SLC8B1: variants seen among roughly 807,000 people sequenced by gnomAD.
SLC8B1 encodes the protein solute carrier family 8 member B1.
In SLC8B1, 52 loss-of-function variants were observed where a neutral mutation model predicts 63.4. The ratio of observed to expected loss-of-function variants is 0.82; its 90% CI spans 0.66 to 1.03. SLC8B1 has a LOEUF of 1.03. Among genes scored for constraint, SLC8B1 ranks in the 50% least tolerant of loss-of-function variants. The pLI is 0.00. For synonymous variants in SLC8B1, 336 were observed against 323.9 expected, an observed-to-expected ratio of 1.04 and a Z score of -0.40; for missense variants, 657 against 741.7, an observed-to-expected ratio of 0.89 and a Z score of 1.33.
chr12:113,324,190 G>A (rs1956965686), intron 2 of SLC8B1, among the ~76,000 whole-genome samples: 1 of 152,048 alleles, frequency 6.6e-6, no homozygotes, highest in Non-Finnish European at 1.5e-5. Context: ...GCACACGCCT[G>A]TGGTTCCAGC....
chr12:113,302,823 A>G, intron 15 of SLC8B1: 1 of 435,792 alleles, frequency 2.3e-6, no homozygotes, highest in Non-Finnish European at 4.6e-6. Context: ...CTGTGGACAC[A>G]CACACCTCTA....
chr12:113,316,140 C>T (rs1015564644), intron 10 of SLC8B1, among the ~76,000 whole-genome samples: 4 of 151,778 alleles, frequency 2.6e-5, no homozygotes, highest in Non-Finnish European at 4.4e-5. Flanking sequence ...AGGAGAATGG[C>T]GTGAACCCGG....
chr12:113,322,297 G>A (rs945962776), intron 2 of SLC8B1, among the ~76,000 whole-genome samples: 5 of 152,290 alleles, frequency 3.3e-5, no homozygotes, highest in African/African-American at 7.2e-5. Context: ...CACTCAGTGG[G>A]AGGGTCAAGG....
chr12:113,310,162 T>C, intron 12 of SLC8B1, 72 bp downstream of exon 12: 1 of 1,538,386 alleles, frequency 6.5e-7, no homozygotes, highest in East Asian at 2.3e-5. Flanking sequence ...GCCTCAGAGA[T>C]GCAGACAGGA....
chr12:113,302,977 C>G (rs1489394299), intron 15 of SLC8B1, among the ~76,000 whole-genome samples: 1 of 151,644 alleles, frequency 6.6e-6, no homozygotes, highest in Non-Finnish European at 1.5e-5. Context: ...GGAGCGTTTC[C>G]TAAACTCAGC....
Position 113,304,325 on chromosome 12 carries a change from A to G in SLC8B1, c.1553T>C (p.Val518Ala). 6.2e-7 allele frequency: 1 copy of G among 1,613,772 alleles called. No homozygotes were observed. The change falls in exon 15 of 16, where the codon GTG (valine) becomes GCG (alanine). Residue 518 changes from valine to alanine, a missense_variant. Coordinates refer to ENST00000680972, the MANE Select transcript of SLC8B1 (RefSeq NM_001358345.2). ...LLQISRSHTE[V>A]KLEPDGLLVW... is the part of the protein sequence containing the mutation. ...AAACTTACAAGGAATACTCACCTTC[A>G]CTTCTGTGTGGCTTCGGGAGATCTG...
At chr12:113,309,688 C>T (rs932291809) in intron 12 of SLC8B1, among the ~76,000 whole-genome samples, 10 of 152,050 alleles carry the variant, frequency 6.6e-5, no homozygotes, top group African/African-American at 2.4e-4. Flanking sequence ...CCCAGGAGGT[C>T]GAGGCTGCAG....
chr12:113,328,180 C>T (rs1344234140), intron 2 of SLC8B1, among the ~76,000 whole-genome samples: 2 of 152,052 alleles, frequency 1.3e-5, no homozygotes, highest in Admixed American at 6.6e-5. Flanking sequence ...CACAGGTGCG[C>T]ATCACACGAG....
chr12:113,303,141 A>ACACACACGCG lies in SLC8B1; in HGVS notation c.1557+1179_1557+1180insCGCGTGTGTG, dbSNP rs773636454. Among the ~76,000 whole-genome samples the ACACACACGCG allele has an allele frequency of 6.2e-3, 906 of 145,716 alleles. 3 individuals are homozygous for ACACACACGCG. Among genetic ancestry groups the ACACACACGCG allele is most frequent in the African/African-American group, 0.011 (404 of 38,130 alleles). ...CACACACACACACACACACACACACACGCGCGCGCACAGGAGAAAAGAGGA... is the reference window on the plus strand; with the variant it reads ...CACACACACACACACACACACACACACACACACGCGCGCGCGCGCACAGGAGAAAAGAGGA... On this transcript the variant is annotated intron_variant, in intron 15 of 15. Coordinates refer to ENST00000680972, the MANE Select transcript of SLC8B1 (RefSeq NM_001358345.2).
In SLC8B1 at chr12:113,315,456, C is replaced by T; in HGVS notation, c.1014G>A (p.Leu338=). The T allele has an allele frequency of 6.2e-7, 1 of 1,600,640 alleles. No homozygotes were observed. Among genetic ancestry groups the T allele is most frequent in the Admixed American group, 1.7e-5 (1 of 57,906 alleles). The change falls in exon 11 of 16, where the codon CTG becomes CTA. Residue 338 remains leucine, a synonymous_variant. Coordinates refer to ENST00000680972, the MANE Select transcript of SLC8B1 (RefSeq NM_001358345.2). ...KVFKLPVEFL[L]LLTVPVVDPD... ...GGTCCACGACGGGGACTGTGAGGAGCAGCAGGAACTCCACAGGCAGCTGTC... is the reference window on the plus strand; with the variant it reads ...GGTCCACGACGGGGACTGTGAGGAGTAGCAGGAACTCCACAGGCAGCTGTC...
At chr12:113,318,517 G>C (rs143382845) in intron 8 of SLC8B1, among the ~76,000 whole-genome samples, 2,671 of 152,144 alleles carry the variant, frequency 0.018, 33 homozygotes, top group Middle Eastern at 0.037. Context: ...GTATGTGTAT[G>C]TGTGCATGTA....
At chr12:113,318,168 A>G (rs1310131753) in intron 8 of SLC8B1, among the ~76,000 whole-genome samples, 2 of 151,552 alleles carry the variant, frequency 1.3e-5, no homozygotes, top group African/African-American at 2.4e-5. Context: ...TGTGTTGCAG[A>G]TGTGTATGCA....
intron 2 of SLC8B1, 25 bp from the exon 3 acceptor site, chr12:113,321,373 A>G: frequency 6.2e-7 from 1 of 1,614,044 alleles, no homozygotes; most frequent in East Asian, 2.2e-5. Context: ...GGAGGGGGAC[A>G]TCAGCGGCAG....
chr12:113,300,423 C>T (rs1956568473), intron 15 of SLC8B1, among the ~76,000 whole-genome samples: 1 of 152,194 alleles, frequency 6.6e-6, no homozygotes, highest in Non-Finnish European at 1.5e-5. Flanking sequence ...GCGGAGGTTG[C>T]AGTAAGCCGA....
At chr12:113,314,869 C>T (rs1406112551) in intron 11 of SLC8B1, among the ~76,000 whole-genome samples, 4 of 152,226 alleles carry the variant, frequency 2.6e-5, no homozygotes, top group African/African-American at 9.6e-5. Context: ...GATCAACTGA[C>T]TGCAGGAGGT....
At chr12:113,300,365 G>A (rs961529532) in intron 15 of SLC8B1, among the ~76,000 whole-genome samples, 1 of 152,202 alleles carries the variant, frequency 6.6e-6, no homozygotes, top group African/African-American at 2.4e-5. Flanking sequence ...AGACATGGCA[G>A]TGTGCTACTG....
At chr12:113,328,084 G>A (rs533076547) in intron 2 of SLC8B1, among the ~76,000 whole-genome samples, 16 of 151,900 alleles carry the variant, frequency 1.1e-4, no homozygotes, top group Non-Finnish European at 1.9e-4. Context: ...CCAGGCTGGA[G>A]TGCAGTGGCG....
chr12:113,314,319 G>A (rs1480500355), intron 11 of SLC8B1, among the ~76,000 whole-genome samples: 1 of 152,208 alleles, frequency 6.6e-6, no homozygotes. Context: ...GTTTCATCCC[G>A]ACACTGTTAC....
chr12:113,325,716 C>T (rs1164029528), intron 2 of SLC8B1, among the ~76,000 whole-genome samples: 1 of 152,014 alleles, frequency 6.6e-6, no homozygotes, highest in Non-Finnish European at 1.5e-5. Flanking sequence ...AGGCGCTCGC[C>T]ACCACGCCCA....
Sources: allele counts gnomAD v4.1 joint callset (sites outside exome capture counted in the v4.1 genomes callset), GRCh38; gene constraint gnomAD v4.1.1; transcripts MANE v1.5; gene names NCBI Gene and HGNC (gene_info 2026-07-23, HGNC 2026-07-21).